LMNB1: variants seen among roughly 807,000 people sequenced by gnomAD.
LMNB1 encodes lamin-B1.
Under a neutral mutation model 67.1 loss-of-function variants are expected in LMNB1, and 23 were observed. The observed-to-expected ratio is 0.34, with a 90% CI of 0.25 to 0.49. LMNB1 has a LOEUF of 0.49. Ranked by LOEUF, LMNB1 falls within the 20% of genes least tolerant of loss-of-function variation. LMNB1 has a pLI of 0.99. For synonymous variants in LMNB1, 281 were observed against 282.9 expected, an observed-to-expected ratio of 0.99 and a Z score of 0.07; for missense variants, 634 against 746.5, an observed-to-expected ratio of 0.85 and a Z score of 1.76.
In LMNB1 at chr5:126,777,350, C is replaced by T. The variant is rs886059857; in HGVS notation, c.-159C>T. The T allele has an allele frequency of 1.2e-6, 1 of 804,902 alleles. No homozygotes were observed. Among genetic ancestry groups the T allele is most frequent in the Non-Finnish European group, 1.7e-6 (1 of 600,432 alleles). 49.9% of individuals were successfully genotyped at this position (804,902 alleles called of 1,614,324 possible). On this transcript the variant is annotated 5_prime_UTR_variant, in exon 1 of 11. Transcript: ENST00000261366. ...GCCCTTTGTGCTGTAATCGAGCTCC[C>T]GCCATCCCAGGTGCTTCTCCGTTCC...
At chr5:126,806,618 G>GAA (rs202220371) in intron 3 of LMNB1, among the ~76,000 whole-genome samples, 8 of 152,168 alleles carry the variant, frequency 5.3e-5, no homozygotes, top group African/African-American at 1.9e-4. Flanking sequence ...GAGAGAGAGA[G>GAA]AAAGAAACAC....
At chr5:126,778,002 C>G in intron 1 of LMNB1, 135 bp downstream of exon 1, 1 of 782,564 alleles carries the variant, frequency 1.3e-6, no homozygotes. Flanking sequence ...AACAGGGTCT[C>G]GGTCTCCGGA....
intron 3 of LMNB1, among the ~76,000 whole-genome samples, chr5:126,808,609 G>A (rs978635320): frequency 6.6e-6 from 1 of 152,074 alleles, no homozygotes; most frequent in African/African-American, 2.4e-5. Flanking sequence ...GGTAGACAAA[G>A]AACAAACCAT....
At chr5:126,783,504 C>A (rs1329688619) in intron 1 of LMNB1, among the ~76,000 whole-genome samples, 1 of 151,904 alleles carries the variant, frequency 6.6e-6, no homozygotes, top group Non-Finnish European at 1.5e-5. Context: ...AGGACCAAAC[C>A]CCTAAAAATG....
intron 1 of LMNB1, among the ~76,000 whole-genome samples, chr5:126,782,016 A>G (rs1021359120): frequency 4.6e-5 from 7 of 152,210 alleles, no homozygotes; most frequent in Non-Finnish European, 4.4e-5. Context: ...AAGACTGATT[A>G]TATTTTGCTG....
chr5:126,782,439 CAG>C (rs1244824705), intron 1 of LMNB1, among the ~76,000 whole-genome samples: 1 of 152,184 alleles, frequency 6.6e-6, no homozygotes, highest in East Asian at 1.9e-4. Flanking sequence ...TGGAGAAAGA[CAG>C]ATTGAAAATA....
At chr5:126,779,946 C>G (rs573059000) in intron 1 of LMNB1, among the ~76,000 whole-genome samples, 24 of 152,238 alleles carry the variant, frequency 1.6e-4, no homozygotes, top group African/African-American at 5.8e-4. Flanking sequence ...GCAGGAGAAT[C>G]GCTTGAACCC....
intron 1 of LMNB1, among the ~76,000 whole-genome samples, chr5:126,786,949 A>C (rs1750802349): frequency 6.6e-6 from 1 of 152,196 alleles, no homozygotes; most frequent in African/African-American, 2.4e-5. Context: ...TCCATGCCTT[A>C]ATAATTTAAA....
At chr5:126,790,887 G>C (rs1179559950) in intron 1 of LMNB1, among the ~76,000 whole-genome samples, 1 of 151,954 alleles carries the variant, frequency 6.6e-6, no homozygotes, top group Non-Finnish European at 1.5e-5. Flanking sequence ...CCGGTGTGGT[G>C]GTGGGTGCCT....
chr5:126,820,425 C>T (rs1444767530), intron 6 of LMNB1, among the ~76,000 whole-genome samples: 5 of 152,086 alleles, frequency 3.3e-5, no homozygotes, highest in Non-Finnish European at 7.4e-5. Flanking sequence ...ACGATGGGCA[C>T]CTTATGAAGA....
At chr5:126,803,878 T>C (rs1426299520) in intron 1 of LMNB1, among the ~76,000 whole-genome samples, 1 of 152,136 alleles carries the variant, frequency 6.6e-6, no homozygotes, top group Non-Finnish European at 1.5e-5. Flanking sequence ...GGTAGTTGGT[T>C]TTATAAACTG....
intron 1 of LMNB1, among the ~76,000 whole-genome samples, chr5:126,803,490 C>A (rs150858792): frequency 1.3e-5 from 2 of 152,128 alleles, no homozygotes; most frequent in African/African-American, 4.8e-5. Flanking sequence ...TCAGGTGATC[C>A]GCCCACCTCA....
chr5:126,822,013 C>CTTTTTTTTTTTTT (rs34781275), intron 7 of LMNB1, among the ~76,000 whole-genome samples: 1 of 141,558 alleles, frequency 7.1e-6, no homozygotes. Context: ...TCTTTGTAGC[C>CTTTTTTTTTTTTT]TTTTTTTTTT....
chr5:126,780,186 G>T (rs1201781685), intron 1 of LMNB1, among the ~76,000 whole-genome samples: 1 of 151,832 alleles, frequency 6.6e-6, no homozygotes, highest in Non-Finnish European at 1.5e-5. Flanking sequence ...GTGAGACTCC[G>T]TCTAAAAAAA....
chr5:126,777,374 C>A lies in LMNB1; in HGVS notation c.-135C>A. On this transcript the variant is annotated 5_prime_UTR_variant, in exon 1 of 11. Coordinates refer to ENST00000261366, the MANE Select transcript of LMNB1 (RefSeq NM_005573.4). ...CCGCCATCCCAGGTGCTTCTCCGTT[C>A]CTCTAAACGCCAGCGTCTGGACGTG... is the stretch of plus-strand genomic sequence containing the variant. 2 of 1,062,622 alleles carry A rather than the reference C, an allele frequency of 1.9e-6. No individual in the cohort carries two copies. Among genetic ancestry groups the A allele is most frequent in the Non-Finnish European group, 2.4e-6 (2 of 833,738 alleles). 65.8% of individuals were successfully genotyped at this position (1,062,622 alleles called of 1,614,324 possible). A position where few individuals can be genotyped will look rare whatever the true frequency, so the allele number is the denominator to read the frequency against.
chr5:126,822,989 TA>T (rs1346564719), intron 8 of LMNB1, 104 bp downstream of exon 8: 2 of 705,002 alleles, frequency 2.8e-6, no homozygotes, highest in Non-Finnish European at 4.9e-6. Flanking sequence ...AAATGGCCGT[TA>T]AAGTACTTTT....
chr5:126,829,793 T>C (rs531189945), intron 9 of LMNB1, among the ~76,000 whole-genome samples: 5 of 152,142 alleles, frequency 3.3e-5, no homozygotes, highest in African/African-American at 1.2e-4. Flanking sequence ...TCAAGACTTC[T>C]TCCTCCCCTC....
chr5:126,800,559 G>T (rs142190228), intron 1 of LMNB1, among the ~76,000 whole-genome samples: 15 of 151,796 alleles, frequency 9.9e-5, no homozygotes, highest in African/African-American at 3.4e-4. Context: ...ATTTCTTGGT[G>T]GTCAGAAGTT....
At chr5:126,812,718 CTTTTTTTTTTTTTT>C (rs11430160) in intron 5 of LMNB1, among the ~76,000 whole-genome samples, 1 of 117,158 alleles carries the variant, frequency 8.5e-6, no homozygotes, top group South Asian at 2.5e-4. Flanking sequence ...CTTTATTTTA[CTTTTTTTTTTTTTT>C]TTTTTTTTTT....
Sources: gnomAD v4.1 joint callset for allele counts (sites outside exome capture counted in the v4.1 genomes callset) on GRCh38, gnomAD v4.1.1 for gene constraint, MANE v1.5 for transcripts, NCBI Gene and HGNC (gene_info 2026-07-23, HGNC 2026-07-21) for gene names.